Variants in RBFOX1 observed in about 807,000 individuals in gnomAD.
RBFOX1 encodes RNA binding fox-1 homolog 1.
In RBFOX1, 8 loss-of-function variants were observed where a neutral mutation model predicts 57.7. The observed-to-expected ratio is 0.14, with a 90% CI of 0.08 to 0.25. The LOEUF (loss-of-function observed/expected upper bound fraction) is 0.25. RBFOX1 is among the 10% of genes least tolerant of loss of function. The pLI is 1.00. For synonymous variants in RBFOX1, 326 were observed against 222.4 expected (o/e 1.47, Z -4.15); for missense variants, 611 against 548.5 (o/e 1.11, Z -1.14).
rs569808084 is a variant in RBFOX1, at chr16:7,049,926, T to G, written c.-15-2131T>G. On this transcript the variant is annotated intron_variant, in intron 3 of 15. Transcript: ENST00000550418. ...ACATTTTACTGGCATTTAAGTACAT[T>G]CACAATGTTGTGCAAATATCCAGTT... is the stretch of plus-strand genomic sequence containing the variant. Among the ~76,000 whole-genome samples the G allele has an allele frequency of 4.6e-5, 7 of 152,358 alleles. No homozygotes were observed. In the South Asian group the frequency reaches 1.4e-3, roughly 32 times the overall value.
In RBFOX1 at chr16:6,498,387, C is replaced by T. The variant is rs574738294; in HGVS notation, c.-63-156216C>T. Reference sequence around the variant, plus strand: ...AGAAGAGCAAAATATCATTGTATTTCGTTAATAGAGGAACAATAATCAGGC... The same window carrying T: ...AGAAGAGCAAAATATCATTGTATTTTGTTAATAGAGGAACAATAATCAGGC... On this transcript the variant is annotated intron_variant, in intron 2 of 15. Coordinates refer to ENST00000550418, the MANE Select transcript of RBFOX1 (RefSeq NM_018723.4). 3.9e-5 allele frequency among the ~76,000 whole-genome samples: 6 copies of T among 152,080 alleles called. No individual in the cohort carries two copies. The East Asian group carries it at 9.7e-4, about 25-fold the overall frequency.
chr16:6,095,448 C>T (rs370462651), intron 1 of RBFOX1, among the ~76,000 whole-genome samples: 2 of 152,290 alleles, frequency 1.3e-5, no homozygotes, highest in South Asian at 4.1e-4. Flanking sequence ...GATGGCCTTG[C>T]AGGTCAGACA....
intron 4 of RBFOX1, among the ~76,000 whole-genome samples, chr16:7,160,834 C>A (rs1601473268): frequency 7.2e-6 from 1 of 139,294 alleles, no homozygotes; most frequent in South Asian, 2.4e-4. Flanking sequence ...CCTCCCTCCT[C>A]CTTCCTCCTC....
intron 2 of RBFOX1, among the ~76,000 whole-genome samples, chr16:6,629,747 A>G (rs1394645471): frequency 6.6e-6 from 1 of 152,188 alleles, no homozygotes; most frequent in Admixed American, 6.5e-5. Context: ...TTCTAACCAC[A>G]TTTATTTCTA....
intron 4 of RBFOX1, among the ~76,000 whole-genome samples, chr16:7,166,453 G>A (rs894175345): frequency 2.0e-5 from 3 of 152,148 alleles, no homozygotes; most frequent in African/African-American, 7.2e-5. Flanking sequence ...ATTCAGAGGG[G>A]AGGGGGAATA....
intron 4 of RBFOX1, among the ~76,000 whole-genome samples, chr16:7,057,683 G>T (rs1283863578): frequency 1.3e-5 from 2 of 152,124 alleles, no homozygotes; most frequent in African/African-American, 4.8e-5. Context: ...CTTCATTACT[G>T]GGGAAAAGGA....
chr16:7,142,148 C>G (rs548716960), intron 4 of RBFOX1, among the ~76,000 whole-genome samples: 88 of 152,148 alleles, frequency 5.8e-4, no homozygotes, highest in African/African-American at 2.1e-3. Flanking sequence ...CTCAGCCTCC[C>G]AAGTAGCTGG....
intron 2 of RBFOX1, among the ~76,000 whole-genome samples, chr16:6,516,453 A>G (rs999845227): frequency 5.9e-5 from 9 of 152,200 alleles, no homozygotes; most frequent in South Asian, 2.1e-4. Context: ...GTAGCACTCA[A>G]CAGCCCCTGT....
At chr16:7,472,417 T>G (rs2150963398) in intron 4 of RBFOX1, among the ~76,000 whole-genome samples, 1 of 152,316 alleles carries the variant, frequency 6.6e-6, no homozygotes, top group East Asian at 1.9e-4. Context: ...ACTTAACTCA[T>G]TTGGAAGTCA....
At chr16:7,356,878 T>C (rs1227806901) in intron 4 of RBFOX1, among the ~76,000 whole-genome samples, 1 of 152,166 alleles carries the variant, frequency 6.6e-6, no homozygotes, top group Non-Finnish European at 1.5e-5. Context: ...GGTCACAGCT[T>C]ATAACCAAAG....
chr16:5,717,713 C>G (rs1266070738), intron 3 of RBFOX1, among the ~76,000 whole-genome samples: 1 of 152,196 alleles, frequency 6.6e-6, no homozygotes, highest in Non-Finnish European at 1.5e-5. Flanking sequence ...AGCACTCTCT[C>G]TAATAATTGG....
intron 1 of RBFOX1, among the ~76,000 whole-genome samples, chr16:6,130,035 T>C (rs557263342): frequency 1.3e-5 from 2 of 152,150 alleles, no homozygotes; most frequent in African/African-American, 4.8e-5. Flanking sequence ...AGGGACATGA[T>C]CAAATATGAA....
chr16:7,037,515 C>T lies in RBFOX1; in HGVS notation c.-15-14542C>T, dbSNP rs545290377. Reference sequence around the variant, plus strand: ...AAATATCTAAGGAAACAGTGAGGCACGTCCAGTCCACTGTCAACTTATGAA... The same window carrying T: ...AAATATCTAAGGAAACAGTGAGGCATGTCCAGTCCACTGTCAACTTATGAA... On this transcript the variant is annotated intron_variant, in intron 3 of 15. Transcript: ENST00000550418. Among the ~76,000 whole-genome samples the T allele has an allele frequency of 1.1e-3, 174 of 152,214 alleles. No individual in the cohort carries two copies. The Middle Eastern group carries it at 0.014, about 12-fold the overall frequency.
intron 2 of RBFOX1, among the ~76,000 whole-genome samples, chr16:5,541,728 A>C (rs2044961583): frequency 6.6e-6 from 1 of 152,186 alleles, no homozygotes; most frequent in Admixed American, 6.5e-5. Context: ...CAGTATCCTT[A>C]CATCTTGCTC....
At chr16:7,378,386 C>T (rs1052990131) in intron 4 of RBFOX1, among the ~76,000 whole-genome samples, 5 of 152,086 alleles carry the variant, frequency 3.3e-5, no homozygotes, top group African/African-American at 7.2e-5. Flanking sequence ...GAAACCAAGC[C>T]CCCTGGAGAG....
At chr16:7,562,571 T>C (rs1331942343) in intron 5 of RBFOX1, among the ~76,000 whole-genome samples, 2 of 151,992 alleles carry the variant, frequency 1.3e-5, no homozygotes, top group African/African-American at 4.8e-5. Flanking sequence ...CCCCACCACA[T>C]CCATGGAAGC....
chr16:6,704,436 A>G (rs950815649), intron 3 of RBFOX1: 11 of 152,244 alleles, frequency 7.2e-5, no homozygotes, highest in African/African-American at 2.4e-4. Context: ...CTCTGCCCAC[A>G]TGGCTCTAGC....
At chr16:5,300,072 T>C (rs74856169) in intron 1 of RBFOX1, among the ~76,000 whole-genome samples, 84 of 152,224 alleles carry the variant, frequency 5.5e-4, no homozygotes, top group African/African-American at 1.1e-3. Flanking sequence ...AGTTTTTTTT[T>C]CCCTTTTTTC....
intron 2 of RBFOX1, among the ~76,000 whole-genome samples, chr16:6,454,582 A>G (rs1033900971): frequency 1.3e-5 from 2 of 152,148 alleles, no homozygotes; most frequent in African/African-American, 4.8e-5. Flanking sequence ...AAAAAATGAA[A>G]ACAAACAAAA....
Sources: allele counts gnomAD v4.1 joint callset (sites outside exome capture counted in the v4.1 genomes callset), GRCh38; gene constraint gnomAD v4.1.1; transcripts MANE v1.5; gene names NCBI Gene and HGNC (gene_info 2026-07-23, HGNC 2026-07-21).